The following SLC4A4 variants were observed in gnomAD, a reference collection of about 807,000 sequenced individuals.
SLC4A4 encodes solute carrier family 4 member 4, also known as electrogenic sodium bicarbonate cotransporter 1.
SLC4A4 carries 27 observed loss-of-function variants against 111.5 expected under a neutral mutation model. The ratio of observed to expected loss-of-function variants is 0.24; its 90% CI spans 0.18 to 0.33. The LOEUF (loss-of-function observed/expected upper bound fraction) is 0.33, where lower values mean the gene tolerates loss of function less well. SLC4A4 is among the 10% of genes least tolerant of loss of function. The probability of loss-of-function intolerance (pLI) is 1.00; values close to 1 mark genes in which losing one functional copy is unlikely to be tolerated. For synonymous variants in SLC4A4, 443 were observed against 463.4 expected, an observed-to-expected ratio of 0.96 and a Z score of 0.57; for missense variants, 909 against 1,315.5, an observed-to-expected ratio of 0.69 and a Z score of 4.78.
At chr4:71,424,251 C>G (rs533219100) in intron 7 of SLC4A4, among the ~76,000 whole-genome samples, 1 of 152,220 alleles carries the variant, frequency 6.6e-6, no homozygotes, top group South Asian at 2.1e-4. Flanking sequence ...TGCTCACCAT[C>G]ACTGGCCATC....
intron 1 of SLC4A4, among the ~76,000 whole-genome samples, chr4:71,214,169 C>CG (rs1327899428): frequency 6.6e-6 from 1 of 152,082 alleles, no homozygotes; most frequent in Non-Finnish European, 1.5e-5. Flanking sequence ...GATCCTGTAC[C>CG]GAGGGGTATA....
chr4:71,178,983 G>A (rs1745192860), intron 2 of SLC4A4, among the ~76,000 whole-genome samples: 1 of 152,196 alleles, frequency 6.6e-6, no homozygotes, highest in African/African-American at 2.4e-5. Flanking sequence ...GAATCCAGCA[G>A]CACATCAAAA....
intron 8 of SLC4A4, among the ~76,000 whole-genome samples, chr4:71,447,254 G>T (rs2149070212): frequency 1.3e-5 from 2 of 152,306 alleles, no homozygotes; most frequent in Middle Eastern, 6.8e-3. Context: ...GAAATGTGAA[G>T]ATGCACTAAC....
chr4:71,338,374 A>G (rs1716556762), intron 3 of SLC4A4, among the ~76,000 whole-genome samples: 1 of 152,142 alleles, frequency 6.6e-6, no homozygotes, highest in Non-Finnish European at 1.5e-5. Flanking sequence ...TCTATCCATA[A>G]TAAATATATT....
At chr4:71,062,957 G>A (rs1235054347) in intron 1 of SLC4A4, among the ~76,000 whole-genome samples, 1 of 152,224 alleles carries the variant, frequency 6.6e-6, no homozygotes, top group Non-Finnish European at 1.5e-5. Context: ...AGAAAAAGGT[G>A]CAAATACAGT....
At chr4:71,323,696 A>G (rs942072127) in intron 3 of SLC4A4, among the ~76,000 whole-genome samples, 2 of 152,036 alleles carry the variant, frequency 1.3e-5, no homozygotes, top group Non-Finnish European at 2.9e-5. Flanking sequence ...TTGGGTCTCA[A>G]TCAGGACAGC....
At chr4:71,121,272 T>C (rs1289000692) in intron 2 of SLC4A4, among the ~76,000 whole-genome samples, 1 of 150,062 alleles carries the variant, frequency 6.7e-6, no homozygotes, top group Non-Finnish European at 1.5e-5. Flanking sequence ...CAATGGGCAC[T>C]GCCCCCTGCT....
At chr4:71,230,425 T>G (rs980542251) in intron 1 of SLC4A4, among the ~76,000 whole-genome samples, 3 of 152,218 alleles carry the variant, frequency 2.0e-5, no homozygotes, top group African/African-American at 4.8e-5. Flanking sequence ...CACTTTGGTG[T>G]GCGTCTGTGG....
chr4:71,430,194 G>A (rs1165249069), intron 7 of SLC4A4, among the ~76,000 whole-genome samples: 2 of 151,960 alleles, frequency 1.3e-5, no homozygotes, highest in East Asian at 3.9e-4. Context: ...CTTTTTATAT[G>A]GTATTTATGT....
intron 12 of SLC4A4, among the ~76,000 whole-genome samples, chr4:71,454,151 A>G (rs1447366130): frequency 1.3e-5 from 2 of 152,166 alleles, no homozygotes; most frequent in Non-Finnish European, 1.5e-5. Context: ...GTTTTAATGA[A>G]TATAAGCTAA....
intron 1 of SLC4A4, among the ~76,000 whole-genome samples, chr4:71,070,836 G>A (rs542341531): frequency 3.3e-5 from 5 of 152,286 alleles, no homozygotes; most frequent in African/African-American, 1.2e-4. Flanking sequence ...TGGAGTGGGA[G>A]GCTGGGGCAG....
intron 3 of SLC4A4, among the ~76,000 whole-genome samples, chr4:71,269,690 G>A (rs536001538): frequency 6.6e-6 from 1 of 152,314 alleles, no homozygotes; most frequent in South Asian, 2.1e-4. Flanking sequence ...CCATGATTAT[G>A]TTTAATCCTC....
At chr4:71,240,999 G>A (rs1720168828) in intron 2 of SLC4A4, among the ~76,000 whole-genome samples, 1 of 151,980 alleles carries the variant, frequency 6.6e-6, no homozygotes, top group African/African-American at 2.4e-5. Context: ...CATGCCTGTA[G>A]TCCCAGCTAC....
At chr4:71,337,166 G>A (rs1728495308) in intron 3 of SLC4A4, among the ~76,000 whole-genome samples, 3 of 152,126 alleles carry the variant, frequency 2.0e-5, no homozygotes, top group Admixed American at 1.3e-4. Context: ...TGCAAAGTTT[G>A]TACTTTATGA....
Position 71,075,826 on chromosome 4 carries a change from T to C in SLC4A4, c.-65+13038T>C, listed in dbSNP as rs1359330427. On this transcript the variant is annotated intron_variant, in intron 1 of 26. Transcript: ENST00000649996. ...TAAAAATACAAAAATTAGCCAGGCA[T>C]GGTGGTGGGCGCCTGTAGTCCCAGC... Among the ~76,000 whole-genome samples, 8 of 151,896 alleles carry C rather than the reference T, an allele frequency of 5.3e-5. No individual in the cohort carries two copies. The East Asian group carries it at 1.5e-3, about 29-fold the overall frequency.
At chr4:71,396,133 G>T (rs543521603) in intron 6 of SLC4A4, among the ~76,000 whole-genome samples, 5 of 152,204 alleles carry the variant, frequency 3.3e-5, no homozygotes, top group South Asian at 2.1e-4. Flanking sequence ...CCCTTCAAAG[G>T]GGTTCTTTTA....
At chr4:71,082,723 G>T (rs1294412339) in intron 1 of SLC4A4, among the ~76,000 whole-genome samples, 1 of 151,876 alleles carries the variant, frequency 6.6e-6, no homozygotes, top group African/African-American at 2.4e-5. Context: ...ATACATTACA[G>T]ATACAGTGAC....
At chr4:71,510,427 T>A (rs1286095321) in intron 16 of SLC4A4, among the ~76,000 whole-genome samples, 1 of 152,230 alleles carries the variant, frequency 6.6e-6, no homozygotes, top group African/African-American at 2.4e-5. Flanking sequence ...TAGTCGGCCA[T>A]CTTAATGAAG....
chr4:71,275,790 G>A (rs1332718981), intron 3 of SLC4A4, among the ~76,000 whole-genome samples: 1 of 152,214 alleles, frequency 6.6e-6, no homozygotes, highest in African/African-American at 2.4e-5. Context: ...CGGCTTCCTA[G>A]TTCTTACATA....
Sources: allele counts gnomAD v4.1 joint callset (sites outside exome capture counted in the v4.1 genomes callset), GRCh38; gene constraint gnomAD v4.1.1; transcripts MANE v1.5; gene names NCBI Gene and HGNC (gene_info 2026-07-23, HGNC 2026-07-21).